The following ADGRA2 variants were observed in gnomAD, a reference collection of about 807,000 sequenced individuals.
ADGRA2 encodes the protein G-protein coupled receptor 124.
A neutral mutation model predicts 98.7 loss-of-function variants in ADGRA2; 61 were observed. That is an observed-to-expected ratio of 0.62 (90% CI 0.50 to 0.76). The LOEUF is 0.76. ADGRA2 is among the 30% of genes least tolerant of loss of function. ADGRA2 has a pLI of 0.00. For synonymous variants in ADGRA2, 858 were observed against 831.5 expected, an observed-to-expected ratio of 1.03 and a Z score of -0.55; for missense variants, 1,712 against 1,860.0, an observed-to-expected ratio of 0.92 and a Z score of 1.46.
intron 2 of ADGRA2, among the ~76,000 whole-genome samples, chr8:37,826,148 G>A (rs531072593): frequency 6.6e-6 from 1 of 152,304 alleles, no homozygotes; most frequent in African/African-American, 2.4e-5. Flanking sequence ...GGGGGGCTGC[G>A]CCTAAGCCCC....
intron 1 of ADGRA2, among the ~76,000 whole-genome samples, chr8:37,804,395 G>T (rs892334699): frequency 6.6e-6 from 1 of 152,234 alleles, no homozygotes; most frequent in Admixed American, 6.5e-5. Flanking sequence ...GGCCCTGGAG[G>T]CCACACCTGC....
rs140419408 is a variant in ADGRA2, at chr8:37,829,517, T to C, written c.512T>C (p.Leu171Pro). The C allele has an allele frequency of 6.2e-7, 1 of 1,613,826 alleles. No individual in the cohort carries two copies. Among genetic ancestry groups the C allele is most frequent in the East Asian group, 2.2e-5 (1 of 44,870 alleles). Residue 171 changes from leucine (L) to proline (P), a missense_variant, in exon 5 of 19, where the codon CTG becomes CCG. Physicochemically the swap from Leu to Pro is moderately conservative, Grantham distance 98. Transcript: ENST00000412232. ...LNISGNIFSS[L>P]QPGVFDELPA... ...ATATCTGGAAACATCTTCTCCAGTCTGCAACCTGGGGTCTTTGATGAGCTG... is the reference window on the plus strand; with the variant it reads ...ATATCTGGAAACATCTTCTCCAGTCCGCAACCTGGGGTCTTTGATGAGCTG...
rs1476961338 is a variant in ADGRA2, at chr8:37,843,421, A to C, written c.*1066A>C. 6.6e-6 allele frequency: 1 copy of C among 152,310 alleles called. No individual in the cohort carries two copies. Among genetic ancestry groups the C allele is most frequent in the East Asian group, 1.9e-4 (1 of 5,204 alleles). 9.4% of individuals were successfully genotyped at this position (152,310 alleles called of 1,614,324 possible). A position where few individuals can be genotyped will look rare whatever the true frequency, so the allele number is the denominator to read the frequency against. ...TTCCCGACTCCCAGGAGCTCAAGCC[A>C]AGCCCAGAGGCAGTGGCTGGGGTCC... On this transcript the variant is annotated 3_prime_UTR_variant, in exon 19 of 19. Transcript: ENST00000412232.
At position 37,831,489 on chromosome 8, in the gene ADGRA2, C is replaced by T. The variant is rs1468503748; in HGVS notation, c.999C>T (p.Ala333=). ...AGTGGGAGTGCACCGTGTCCATGGC[C>T]CAAGGCAACGCCAGCAAGAAGGTGG... The part of the protein sequence containing the change: ...SGEWECTVSM[A]QGNASKKVEI... The change falls in exon 8 of 19, where the codon GCC becomes GCT. Residue 333 remains alanine, a synonymous_variant. Transcript: ENST00000412232. 1.2e-6 allele frequency: 2 copies of T among 1,613,790 alleles called. No homozygotes were observed. The highest frequency in any genetic ancestry group is 1.1e-5 in the South Asian group (1 of 91,086).
intron 1 of ADGRA2, among the ~76,000 whole-genome samples, chr8:37,811,115 A>C (rs1407693002): frequency 7.3e-6 from 1 of 136,844 alleles, no homozygotes; most frequent in East Asian, 2.1e-4. Context: ...CTCTGTCTCA[A>C]AAACAAAAAA....
At chr8:37,817,971 G>A (rs532156856) in intron 2 of ADGRA2, among the ~76,000 whole-genome samples, 114 of 152,184 alleles carry the variant, frequency 7.5e-4, no homozygotes, top group African/African-American at 2.6e-3. Flanking sequence ...CTGAGATCAC[G>A]CCATTGTACT....
chr8:37,813,235 AT>A (rs1213181223), intron 1 of ADGRA2, among the ~76,000 whole-genome samples: 3 of 152,052 alleles, frequency 2.0e-5, no homozygotes, highest in East Asian at 1.9e-4. Flanking sequence ...CTCTAAAAAA[AT>A]TTTTTTTAAT....
Position 37,842,564 on chromosome 8 carries a change from C to G in ADGRA2, c.*209C>G, listed in dbSNP as rs574596924. The G allele has an allele frequency of 1.2e-6, 1 of 834,194 alleles. No homozygotes were observed. The allele number at this position is 834,194 out of a possible 1,614,324, so 51.7% of individuals were successfully genotyped here. A position where few individuals can be genotyped will look rare whatever the true frequency, so the allele number is the denominator to read the frequency against. ...CCCAGAAACACGCATAATACATTTC[C>G]GTCCAGCCCGGGGCAGTCTGACTGT... On this transcript the variant is annotated 3_prime_UTR_variant, in exon 19 of 19. Coordinates refer to ENST00000412232, the MANE Select transcript of ADGRA2 (RefSeq NM_032777.10).
At chr8:37,824,026 T>C (rs1354007677) in intron 2 of ADGRA2, among the ~76,000 whole-genome samples, 4 of 151,810 alleles carry the variant, frequency 2.6e-5, no homozygotes, top group South Asian at 2.1e-4. Flanking sequence ...ATGATATCCT[T>C]TAAGATGCAA....
At position 37,843,656 on chromosome 8, in the gene ADGRA2, C is replaced by A. The variant is rs980765330; in HGVS notation, c.*1301C>A. On this transcript the variant is annotated 3_prime_UTR_variant, in exon 19 of 19. Coordinates refer to ENST00000412232, the MANE Select transcript of ADGRA2 (RefSeq NM_032777.10). ...CACTCTGGCCTCATCACCAAGGTGA[C>A]AGAGGACACAGGGGAGGGGGAAAAC... The A allele has an allele frequency of 1.3e-5, 2 of 152,290 alleles. No individual in the cohort carries two copies. The highest frequency in any genetic ancestry group is 2.9e-5 in the Non-Finnish European group (2 of 68,042). 9.4% of individuals were successfully genotyped at this position (152,290 alleles called of 1,614,324 possible).
chr8:37,807,631 C>T (rs1350054681), intron 1 of ADGRA2, among the ~76,000 whole-genome samples: 3 of 152,040 alleles, frequency 2.0e-5, no homozygotes, highest in Non-Finnish European at 4.4e-5. Flanking sequence ...GTGTTCGAGC[C>T]CCAGGGCTTT....
At chr8:37,822,018 A>G (rs1339004544) in intron 2 of ADGRA2, among the ~76,000 whole-genome samples, 4 of 152,154 alleles carry the variant, frequency 2.6e-5, no homozygotes, top group African/African-American at 9.7e-5. Flanking sequence ...TGCACCACTG[A>G]GGCCCAGGAG....
In ADGRA2 at chr8:37,835,536, G is replaced by A. The variant is rs1041698679; in HGVS notation, c.1834-18G>A. ...TAGGGGGTCCTGGTGTCTCTGAGGA[G>A]CTCCTATGTCCCCCCAGAACAGCGT... is the stretch of plus-strand genomic sequence containing the variant. On this transcript the variant is annotated intron_variant, in intron 12 of 18. Transcript: ENST00000412232. The A allele has an allele frequency of 1.9e-6, 3 of 1,563,212 alleles. No homozygotes were observed. The highest frequency in any genetic ancestry group is 2.7e-5 in the African/African-American group (2 of 73,990).
intron 1 of ADGRA2, among the ~76,000 whole-genome samples, chr8:37,805,294 T>C (rs1274253404): frequency 6.6e-6 from 1 of 152,206 alleles, no homozygotes; most frequent in Non-Finnish European, 1.5e-5. Flanking sequence ...CTTCTGTCCT[T>C]ACAGTCTCCT....
At position 37,844,319 on chromosome 8, in the gene ADGRA2, C is replaced by T. The variant is rs1805906756; in HGVS notation, c.*1964C>T. ...TCTCTCCTACCTATAGTCATCCCTG[C>T]ACTCCTGACTTTACTCCAGGACCCA... is the stretch of plus-strand genomic sequence containing the variant. On this transcript the variant is annotated 3_prime_UTR_variant, in exon 19 of 19. Coordinates refer to ENST00000412232, the MANE Select transcript of ADGRA2 (RefSeq NM_032777.10). 6.7e-6 allele frequency: 5 copies of T among 744,968 alleles called. No individual in the cohort carries two copies. Among genetic ancestry groups the T allele is most frequent in the Non-Finnish European group, 1.1e-5 (5 of 453,350 alleles). The allele number at this position is 744,968 out of a possible 1,614,324, so 46.1% of individuals were successfully genotyped here.
chr8:37,828,478 GTTCTTTTTTT>G (rs974260241), intron 2 of ADGRA2, among the ~76,000 whole-genome samples: 17 of 112,530 alleles, frequency 1.5e-4, no homozygotes, highest in Non-Finnish European at 2.2e-4. Context: ...CGAGGGGGTG[GTTCTTTTTTT>G]TTTTTTTTTT....
At chr8:37,838,318 C>T (rs192400121) in intron 14 of ADGRA2, among the ~76,000 whole-genome samples, 176 of 147,902 alleles carry the variant, frequency 1.2e-3, no homozygotes, top group Middle Eastern at 3.5e-3. Context: ...GTGGCATGAT[C>T]TCGGCTCACT....
At chr8:37,818,491 G>A (rs190238788) in intron 2 of ADGRA2, among the ~76,000 whole-genome samples, 3 of 152,382 alleles carry the variant, frequency 2.0e-5, no homozygotes, top group African/African-American at 7.2e-5. Flanking sequence ...GAACCAGGGC[G>A]GCAGCAGCTC....
chr8:37,821,078 C>T (rs1805113119), intron 2 of ADGRA2, among the ~76,000 whole-genome samples: 2 of 152,312 alleles, frequency 1.3e-5, no homozygotes, highest in South Asian at 4.1e-4. Flanking sequence ...CTCTCTCCCA[C>T]CACCCTCCAG....
Sources: gnomAD v4.1 joint callset for allele counts (sites outside exome capture counted in the v4.1 genomes callset) on GRCh38, gnomAD v4.1.1 for gene constraint, MANE v1.5 for transcripts, NCBI Gene and HGNC (gene_info 2026-07-23, HGNC 2026-07-21) for gene names.